The following LRMDA variants were observed in gnomAD, a reference collection of about 807,000 sequenced individuals.
The protein encoded by LRMDA is leucine-rich melanocyte differentiation-associated protein.
LRMDA carries 18 observed loss-of-function variants against 29.8 expected under a neutral mutation model. The observed-to-expected ratio is 0.60, with a 90% confidence interval of 0.42 to 0.90. The LOEUF is 0.90. Among genes scored for constraint, LRMDA ranks in the 40% least tolerant of loss-of-function variants. The pLI, the probability that LRMDA is intolerant of heterozygous loss-of-function variation, is 0.00. For missense variants in LRMDA, 273 were observed against 273.9 expected (o/e 1.00, Z 0.02); for synonymous variants, 125 against 109.4 (o/e 1.14, Z -0.89).
At chr10:76,112,201 G>A (rs569103284) in intron 5 of LRMDA, among the ~76,000 whole-genome samples, 28 of 152,294 alleles carry the variant, frequency 1.8e-4, no homozygotes, top group African/African-American at 6.5e-4. Flanking sequence ...TCCTTCTAGC[G>A]GCGAGGAATG....
chr10:75,519,138 A>G (rs1845327700), intron 2 of LRMDA, among the ~76,000 whole-genome samples: 1 of 152,138 alleles, frequency 6.6e-6, no homozygotes, highest in African/African-American at 2.4e-5. Context: ...TGGTCAGTTT[A>G]AGAATAAGTA....
chr10:76,557,376 T>C lies in LRMDA; in HGVS notation c.*88T>C. 3 of 1,056,592 alleles carry C rather than the reference T, an allele frequency of 2.8e-6. No homozygotes were observed. The highest frequency in any genetic ancestry group is 4.0e-5 in the Admixed American group (2 of 50,202). 65.5% of individuals were successfully genotyped at this position (1,056,592 alleles called of 1,614,324 possible). A position where few individuals can be genotyped will look rare whatever the true frequency, so the allele number is the denominator to read the frequency against. ...AAAGAAAACGCTAAAGAAAAAACAA[T>C]AGCCCACATTGCCTCTCTTTGGGAA... On this transcript the variant is annotated 3_prime_UTR_variant, in exon 7 of 7. Transcript: ENST00000611255.
chr10:76,394,769 A>T (rs1009777092), intron 6 of LRMDA, among the ~76,000 whole-genome samples: 2 of 152,166 alleles, frequency 1.3e-5, no homozygotes, highest in Non-Finnish European at 2.9e-5. Context: ...ATCAACCTTG[A>T]TCTGCTCTGC....
chr10:75,713,688 T>C (rs566248575), intron 2 of LRMDA, among the ~76,000 whole-genome samples: 2 of 152,366 alleles, frequency 1.3e-5, no homozygotes, highest in African/African-American at 4.8e-5. Context: ...TAGAATCTTA[T>C]AAAGTTTGAG....
intron 6 of LRMDA, among the ~76,000 whole-genome samples, chr10:76,552,652 G>A (rs898324169): frequency 8.5e-5 from 13 of 152,200 alleles, no homozygotes; most frequent in Non-Finnish European, 1.5e-5. Flanking sequence ...GGGGAAACCT[G>A]CCCAGTGAGA....
chr10:76,257,702 GT>G (rs1852622518), intron 5 of LRMDA, among the ~76,000 whole-genome samples: 1 of 152,190 alleles, frequency 6.6e-6, no homozygotes, highest in Non-Finnish European at 1.5e-5. Context: ...GAAAAAATAT[GT>G]AATTTAATAC....
At chr10:76,337,900 C>G (rs1046250259) in intron 6 of LRMDA, among the ~76,000 whole-genome samples, 1 of 152,108 alleles carries the variant, frequency 6.6e-6, no homozygotes, top group African/African-American at 2.4e-5. Context: ...TTTCATTTTA[C>G]TGCTTACATT....
chr10:76,322,671 C>T (rs72817440), intron 5 of LRMDA, among the ~76,000 whole-genome samples: 3,613 of 152,124 alleles, frequency 0.024, 57 homozygotes, highest in Middle Eastern at 0.041. Flanking sequence ...TGTCAACAGC[C>T]CAAATTGAGA....
chr10:75,458,412 G>A (rs1844545503), intron 2 of LRMDA, among the ~76,000 whole-genome samples: 1 of 152,112 alleles, frequency 6.6e-6, no homozygotes, highest in Admixed American at 6.6e-5. Flanking sequence ...GTTTCCCTTG[G>A]GCAAGGACAA....
chr10:75,965,859 C>T (rs567792275), intron 2 of LRMDA, among the ~76,000 whole-genome samples: 12 of 152,308 alleles, frequency 7.9e-5, no homozygotes, highest in Non-Finnish European at 1.5e-4. Flanking sequence ...TCTGTCATCC[C>T]TGGCTCCTTG....
At chr10:75,798,159 TTC>T (rs1196303095) in intron 2 of LRMDA, among the ~76,000 whole-genome samples, 1 of 152,190 alleles carries the variant, frequency 6.6e-6, no homozygotes, top group Non-Finnish European at 1.5e-5. Context: ...AAAAATTGAA[TTC>T]TGTTTTTATT....
At chr10:76,401,316 A>G (rs1348218644) in intron 6 of LRMDA, among the ~76,000 whole-genome samples, 1 of 152,074 alleles carries the variant, frequency 6.6e-6, no homozygotes, top group African/African-American at 2.4e-5. Context: ...TCGTTTATTT[A>G]CTTGCTTATT....
At chr10:75,482,423 G>A (rs1343868989) in intron 2 of LRMDA, among the ~76,000 whole-genome samples, 1 of 152,172 alleles carries the variant, frequency 6.6e-6, no homozygotes, top group Non-Finnish European at 1.5e-5. Context: ...CTGAATTTTG[G>A]TGTAGCTTGT....
At chr10:76,135,628 C>T (rs564394381) in intron 5 of LRMDA, among the ~76,000 whole-genome samples, 16 of 150,422 alleles carry the variant, frequency 1.1e-4, no homozygotes, top group South Asian at 2.1e-4. Context: ...TCCTTCTGAG[C>T]GCTGTGAGGG....
chr10:75,663,726 T>C (rs757799673), intron 2 of LRMDA, among the ~76,000 whole-genome samples: 1 of 152,224 alleles, frequency 6.6e-6, no homozygotes, highest in Non-Finnish European at 1.5e-5. Flanking sequence ...TCTTTTCTGT[T>C]ACTTGGTCTG....
chr10:75,586,961 C>T (rs1840664465), intron 2 of LRMDA, among the ~76,000 whole-genome samples: 1 of 152,004 alleles, frequency 6.6e-6, no homozygotes, highest in Non-Finnish European at 1.5e-5. Context: ...CTTTGCTGTG[C>T]AGAAGTGTAT....
chr10:76,325,448 G>T (rs1345055227), intron 6 of LRMDA, among the ~76,000 whole-genome samples: 3 of 152,142 alleles, frequency 2.0e-5, no homozygotes, highest in African/African-American at 7.2e-5. Context: ...AATCAATTTT[G>T]CTCAAAGTCA....
chr10:75,692,327 A>G lies in LRMDA; in HGVS notation c.131+253833A>G, dbSNP rs1182662307. Among the ~76,000 whole-genome samples, 4 of 147,526 alleles carry G rather than the reference A, an allele frequency of 2.7e-5. No homozygotes were observed. The South Asian group carries it at 6.3e-4, about 23-fold the overall frequency. ...TATATACATACATATATACATATGT[A>G]TATATATGTATATGTATTGATGGAA... On this transcript the variant is annotated intron_variant, in intron 2 of 6. Coordinates refer to ENST00000611255, the MANE Select transcript of LRMDA (RefSeq NM_001305581.2).
intron 6 of LRMDA, among the ~76,000 whole-genome samples, chr10:76,508,452 A>C (rs1312173596): frequency 1.3e-5 from 2 of 152,098 alleles, no homozygotes; most frequent in Non-Finnish European, 2.9e-5. Context: ...TCCTATTTAT[A>C]TATTTACTTA....
Sources: allele counts gnomAD v4.1 joint callset (sites outside exome capture counted in the v4.1 genomes callset), GRCh38; gene constraint gnomAD v4.1.1; transcripts MANE v1.5; gene names NCBI Gene and HGNC (gene_info 2026-07-23, HGNC 2026-07-21).